The following CFAP119 variants were observed in gnomAD, a reference collection of about 807,000 sequenced individuals.
The protein encoded by CFAP119 is cilia and flagella associated protein 119.
At chr16:30,761,779 C>T in the CFAP119 span, 1 of 1,496,618 alleles carries the variant, frequency 6.7e-7, no homozygotes, top group East Asian at 2.5e-5. Flanking sequence ...CGAGGCGCCC[C>T]GGGCTCCCGC....
chr16:30,760,067 A>G, the CFAP119 span: 4 of 1,531,932 alleles, frequency 2.6e-6, no homozygotes, highest in Non-Finnish European at 2.6e-6. Context: ...ATTTGCATAT[A>G]TTATTTCTCA....
At chr16:30,759,895 C>T in the CFAP119 span, 1 of 1,443,866 alleles carries the variant, frequency 6.9e-7, no homozygotes, top group Non-Finnish European at 9.1e-7. Flanking sequence ...TATATGCCCA[C>T]TGTATGGTTT....
the CFAP119 span, chr16:30,759,458 G>C: frequency 1.2e-6 from 2 of 1,614,096 alleles, no homozygotes; most frequent in Admixed American, 3.3e-5. Context: ...AAAGGAGGCC[G>C]CTGTGGTGGT....
chr16:30,761,791 G>GC, the CFAP119 span: 1 of 1,482,230 alleles, frequency 6.7e-7, no homozygotes, highest in Non-Finnish European at 9.0e-7. Context: ...GGCTCCCGCC[G>GC]CCTAGGTTCC....
the CFAP119 span, chr16:30,760,203 C>A: frequency 6.2e-7 from 1 of 1,610,166 alleles, no homozygotes. Flanking sequence ...AAATCCCCTG[C>A]TTCTGCTTCC....
the CFAP119 span, chr16:30,761,436 A>C: frequency 7.4e-6 from 11 of 1,484,348 alleles, no homozygotes; most frequent in Non-Finnish European, 1.0e-5. Flanking sequence ...CTCCTCGCCC[A>C]AGCAGCCCGG....
At chr16:30,760,661 G>A in the CFAP119 span, 1 of 1,546,244 alleles carries the variant, frequency 6.5e-7, no homozygotes, top group Non-Finnish European at 8.7e-7. Context: ...TGGACGTCCA[G>A]GTACTTCCTG....
At chr16:30,759,664 T>C in the CFAP119 span, 2 of 1,612,818 alleles carry the variant, frequency 1.2e-6, no homozygotes, top group Non-Finnish European at 8.5e-7. Context: ...CCTGACTCCA[T>C]GGCAAAAAAG....
chr16:30,761,515 C>G, the CFAP119 span: 1 of 1,535,626 alleles, frequency 6.5e-7, no homozygotes. Flanking sequence ...TATAAATATT[C>G]ACGAGCAGAC....
the CFAP119 span, chr16:30,760,429 T>C: frequency 1.9e-6 from 3 of 1,614,120 alleles, no homozygotes; most frequent in African/African-American, 2.7e-5. Context: ...CAGGACACCC[T>C]AGCTCCAGCA....
the CFAP119 span, chr16:30,761,778 C>T: frequency 6.7e-7 from 1 of 1,498,170 alleles, no homozygotes; most frequent in Non-Finnish European, 8.9e-7. Flanking sequence ...GCGAGGCGCC[C>T]CGGGCTCCCG....
At chr16:30,759,701 C>A in the CFAP119 span, 1 of 1,612,858 alleles carries the variant, frequency 6.2e-7, no homozygotes, top group Non-Finnish European at 8.5e-7. Context: ...CGGTAGCACT[C>A]CTCCACGTTG....
At chr16:30,758,746 G>A in the CFAP119 span, 2 of 496,882 alleles carry the variant, frequency 4.0e-6, no homozygotes, top group African/African-American at 3.9e-5. Flanking sequence ...GTAGATAGGG[G>A]GTTTCACGGT....
chr16:30,757,644 G>A, the CFAP119 span: 427 of 1,612,606 alleles, frequency 2.6e-4, 1 homozygote, highest in Admixed American at 1.4e-3. Flanking sequence ...CTCGGAGGAC[G>A]TGGATGTGGC....
At chr16:30,761,274 G>T in the CFAP119 span, 1 of 1,612,624 alleles carries the variant, frequency 6.2e-7, no homozygotes, top group Non-Finnish European at 8.5e-7. Flanking sequence ...CGGTGTCCTG[G>T]CCCGTAGCGA....
the CFAP119 span, chr16:30,760,784 A>T: frequency 5.5e-6 from 5 of 901,688 alleles, no homozygotes; most frequent in Admixed American, 1.0e-4. Context: ...CTCTTTTGCC[A>T]GCTTGCTGTG....
chr16:30,759,205 G>A, the CFAP119 span: 1 of 1,614,206 alleles, frequency 6.2e-7, no homozygotes, highest in Non-Finnish European at 8.5e-7. Context: ...CACAGTTTGG[G>A]TGGCTGTAGC....
the CFAP119 span, chr16:30,757,427 G>C: frequency 6.3e-7 from 1 of 1,587,040 alleles, no homozygotes. Flanking sequence ...GCAGGGTGCA[G>C]GGATGGTGCC....
the CFAP119 span, chr16:30,757,526 C>T: frequency 6.2e-7 from 1 of 1,614,240 alleles, no homozygotes; most frequent in Non-Finnish European, 8.5e-7. Flanking sequence ...AAGGGCCGCT[C>T]TAGTGCAGTC....
Sources: allele counts gnomAD v4.1 joint callset, GRCh38; gene constraint gnomAD v4.1.1; transcripts MANE v1.5; gene names NCBI Gene and HGNC (gene_info 2026-07-23, HGNC 2026-07-21).